The following LRRIQ3 variants were observed in gnomAD, a reference collection of about 807,000 sequenced individuals.
LRRIQ3 encodes the protein leucine-rich repeat and IQ domain-containing protein 3.
LRRIQ3 carries 75 observed loss-of-function variants against 59.3 expected under a neutral mutation model. The ratio of observed to expected loss-of-function variants is 1.26; its 90% CI spans 1.05 to 1.53. LRRIQ3 has a LOEUF of 1.53. Among genes scored for constraint, LRRIQ3 ranks in the 40% most tolerant of loss-of-function variants. The pLI is 0.00. For synonymous variants in LRRIQ3, 250 were observed against 231.3 expected, an observed-to-expected ratio of 1.08 and a Z score of -0.73; for missense variants, 831 against 710.0, an observed-to-expected ratio of 1.17 and a Z score of -1.94.
At chr1:74,159,115 G>A (rs971321321) in intron 3 of LRRIQ3, among the ~76,000 whole-genome samples, 12 of 152,162 alleles carry the variant, frequency 7.9e-5, no homozygotes, top group South Asian at 2.1e-4. Flanking sequence ...TTATAAATGA[G>A]AAATTCTTTT....
chr1:74,189,286 CTTAG>C (rs1255474629), intron 1 of LRRIQ3, among the ~76,000 whole-genome samples: 1 of 152,142 alleles, frequency 6.6e-6, no homozygotes, highest in African/African-American at 2.4e-5. Context: ...CTTCCTAAGG[CTTAG>C]GTTCAACTGA....
chr1:74,036,284 A>G (rs1056758268), intron 7 of LRRIQ3, among the ~76,000 whole-genome samples: 23 of 152,190 alleles, frequency 1.5e-4, no homozygotes, highest in Admixed American at 7.2e-4. Flanking sequence ...GCTTTAAACC[A>G]TGAGGGAAGG....
chr1:74,171,252 C>G (rs1413481979), intron 3 of LRRIQ3, among the ~76,000 whole-genome samples: 1 of 152,122 alleles, frequency 6.6e-6, no homozygotes, highest in South Asian at 2.1e-4. Context: ...AAGTTTTTCA[C>G]TGTTGAGTAT....
chr1:74,056,538 C>T (rs922177513), intron 6 of LRRIQ3, among the ~76,000 whole-genome samples: 6 of 152,070 alleles, frequency 3.9e-5, no homozygotes, highest in Non-Finnish European at 8.8e-5. Context: ...ACAAAATCAA[C>T]ATACAAAAAT....
chr1:74,049,258 G>A (rs1052806641), intron 6 of LRRIQ3, among the ~76,000 whole-genome samples: 1 of 152,156 alleles, frequency 6.6e-6, no homozygotes, highest in Non-Finnish European at 1.5e-5. Flanking sequence ...TATGCGGCAT[G>A]GTAGGTCACA....
intron 3 of LRRIQ3, among the ~76,000 whole-genome samples, chr1:74,177,668 T>C (rs1361472059): frequency 6.6e-6 from 1 of 151,892 alleles, no homozygotes; most frequent in African/African-American, 2.4e-5. Flanking sequence ...GAATTATATG[T>C]TTTACATTAT....
intron 7 of LRRIQ3, among the ~76,000 whole-genome samples, chr1:74,036,658 T>G (rs1325994508): frequency 6.6e-6 from 1 of 152,220 alleles, no homozygotes; most frequent in East Asian, 1.9e-4. Context: ...ATCTCATTGC[T>G]TTTTGCCATA....
intron 6 of LRRIQ3, among the ~76,000 whole-genome samples, chr1:74,064,836 T>A (rs547531654): frequency 6.6e-6 from 1 of 152,196 alleles, no homozygotes; most frequent in East Asian, 1.9e-4. Flanking sequence ...GATTTGTTTT[T>A]CTCTTACTAC....
chr1:74,156,858 A>C (rs1433219115), intron 3 of LRRIQ3, among the ~76,000 whole-genome samples: 1 of 152,146 alleles, frequency 6.6e-6, no homozygotes, highest in African/African-American at 2.4e-5. Flanking sequence ...ACTGGTTAGA[A>C]ATAAGGTCAC....
intron 4 of LRRIQ3, among the ~76,000 whole-genome samples, chr1:74,154,727 T>C (rs1437011585): frequency 6.6e-6 from 1 of 152,190 alleles, no homozygotes; most frequent in Non-Finnish European, 1.5e-5. Flanking sequence ...ATTAATATTT[T>C]AAATAAGTAT....
At chr1:74,152,224 CTA>C (rs1181844427) in intron 4 of LRRIQ3, among the ~76,000 whole-genome samples, 1 of 151,320 alleles carries the variant, frequency 6.6e-6, no homozygotes, top group Non-Finnish European at 1.5e-5. Context: ...TATATAAAGA[CTA>C]AACCAGAAGG....
intron 7 of LRRIQ3, among the ~76,000 whole-genome samples, chr1:74,040,647 C>A (rs1387795191): frequency 6.6e-6 from 1 of 152,178 alleles, no homozygotes; most frequent in African/African-American, 2.4e-5. Context: ...TCACTCAAAA[C>A]CACACAATTA....
intron 3 of LRRIQ3, 134 bp from the exon 4 acceptor site, chr1:74,156,000 A>G: frequency 1.9e-6 from 1 of 523,312 alleles, no homozygotes; most frequent in South Asian, 4.8e-5. Context: ...ATTATAGTTA[A>G]ATTATGATAT....
intron 4 of LRRIQ3, among the ~76,000 whole-genome samples, chr1:74,148,674 C>T (rs975007190): frequency 2.6e-5 from 4 of 152,142 alleles, no homozygotes; most frequent in South Asian, 2.1e-4. Flanking sequence ...CGTGAGATAA[C>T]GTTAGATCCA....
At chr1:74,037,292 A>G (rs1298859681) in intron 7 of LRRIQ3, among the ~76,000 whole-genome samples, 1 of 152,184 alleles carries the variant, frequency 6.6e-6, no homozygotes, top group Admixed American at 6.5e-5. Flanking sequence ...AAAAAGAACC[A>G]TAACTGCCTC....
intron 1 of LRRIQ3, among the ~76,000 whole-genome samples, chr1:74,193,639 T>A (rs1256018208): frequency 6.6e-6 from 1 of 152,134 alleles, no homozygotes; most frequent in East Asian, 1.9e-4. Flanking sequence ...CTTTGCTGAG[T>A]GTACTAATTA....
rs1199614515 is a variant in LRRIQ3 at position 74,183,516 on chromosome 1, A to C, written c.169T>G (p.Phe57Val). The change falls in exon 2 of 8, where the codon TTC becomes GTC. Residue 57 changes from phenylalanine (F) to valine (V), a missense_variant. Transcript: ENST00000354431. The stretch of plus-strand genomic sequence containing the variant: ...ATATCTGTAATAAAATTGTTTGAGA[A>C]GATGCATACTCTAAGAGAGATGCAA... ...QSCISLRVCI[F>V]SNNFITDIHP... 6.2e-7 allele frequency: 1 copy of C among 1,611,030 alleles called. No individual in the cohort carries two copies. Among genetic ancestry groups the C allele is most frequent in the Non-Finnish European group, 8.5e-7 (1 of 1,178,358 alleles).
intron 3 of LRRIQ3, among the ~76,000 whole-genome samples, chr1:74,177,613 T>C (rs1168723047): frequency 6.6e-6 from 1 of 152,080 alleles, no homozygotes; most frequent in East Asian, 1.9e-4. Context: ...GTTTTGTGTA[T>C]AATTTTTAAG....
chr1:74,188,357 A>T (rs1478671754), intron 1 of LRRIQ3, among the ~76,000 whole-genome samples: 1 of 152,108 alleles, frequency 6.6e-6, no homozygotes, highest in African/African-American at 2.4e-5. Context: ...TTGTACAACA[A>T]ATTACCCTGA....
Sources: allele counts gnomAD v4.1 joint callset (sites outside exome capture counted in the v4.1 genomes callset), GRCh38; gene constraint gnomAD v4.1.1; transcripts MANE v1.5; gene names NCBI Gene and HGNC (gene_info 2026-07-23, HGNC 2026-07-21).